The following SESN3 variants were observed in gnomAD, a reference collection of about 807,000 sequenced individuals.
SESN3 encodes sestrin-3.
A neutral mutation model predicts 55.3 loss-of-function variants in SESN3; 21 were observed. That is an observed-to-expected ratio of 0.38 (90% CI 0.27 to 0.55). SESN3 has a LOEUF of 0.55. Among genes scored for constraint, SESN3 ranks in the 20% least tolerant of loss-of-function variants. SESN3 has a pLI of 0.76. For synonymous variants in SESN3, 181 were observed against 203.1 expected (o/e 0.89, Z 0.93); for missense variants, 408 against 604.3 (o/e 0.68, Z 3.41).
chr11:95,177,249 T>C (rs551056393), intron 8 of SESN3, among the ~76,000 whole-genome samples: 56 of 152,322 alleles, frequency 3.7e-4, no homozygotes, highest in Non-Finnish European at 7.4e-4. Context: ...ATATTTAATT[T>C]CAGTGTTATG....
chr11:95,228,446 G>A (rs1007974385), intron 1 of SESN3, among the ~76,000 whole-genome samples: 1 of 152,080 alleles, frequency 6.6e-6, no homozygotes. Context: ...CTACATTACT[G>A]AACACTTTAT....
At chr11:95,222,337 A>G (rs1860872973) in intron 1 of SESN3, among the ~76,000 whole-genome samples, 1 of 152,226 alleles carries the variant, frequency 6.6e-6, no homozygotes, top group Non-Finnish European at 1.5e-5. Flanking sequence ...CTCGAAAGCA[A>G]AAACAAAGAA....
chr11:95,213,114 A>T (rs1292182217), intron 1 of SESN3, among the ~76,000 whole-genome samples: 1 of 151,696 alleles, frequency 6.6e-6, no homozygotes, highest in Non-Finnish European at 1.5e-5. Context: ...ATCTTTTTTT[A>T]AATGAAAACA....
rs563322416 is a variant in SESN3 at position 95,167,475 on chromosome 11, C to CCATAT, written c.*5779_*5780insATATG. Reference sequence around the variant, plus strand: ...TCAGATATTCATTCTGTTTCCCCCCCATATATATAATTTTTCATTCTGTAC... The same window carrying CCATAT: ...TCAGATATTCATTCTGTTTCCCCCCCCATATATATATATAATTTTTCATTCTGTAC... On this transcript the variant is annotated 3_prime_UTR_variant, in exon 10 of 10. Transcript: ENST00000536441. 2.8e-3 allele frequency: 418 copies of CCATAT among 150,938 alleles called. 7 individuals are homozygous for CCATAT. Among genetic ancestry groups the CCATAT allele is most frequent in the African/African-American group, 9.5e-3 (385 of 40,340 alleles). The allele number at this position is 150,938 out of a possible 1,614,324, so 9.3% of individuals were successfully genotyped here. A position where few individuals can be genotyped will look rare whatever the true frequency, so the allele number is the denominator to read the frequency against.
chr11:95,211,517 C>T (rs1489284599), intron 1 of SESN3, among the ~76,000 whole-genome samples: 1 of 152,186 alleles, frequency 6.6e-6, no homozygotes, highest in Non-Finnish European at 1.5e-5. Flanking sequence ...CCTATAATCC[C>T]AGCACTTTGG....
chr11:95,190,419 T>A (rs1032631706), intron 3 of SESN3, among the ~76,000 whole-genome samples: 1 of 151,942 alleles, frequency 6.6e-6, no homozygotes, highest in Admixed American at 6.6e-5. Flanking sequence ...CCTACTCAGA[T>A]GACATGGAAG....
At chr11:95,183,166 C>CT (rs962801263) in intron 6 of SESN3, among the ~76,000 whole-genome samples, 1 of 152,170 alleles carries the variant, frequency 6.6e-6, no homozygotes, top group African/African-American at 2.4e-5. Flanking sequence ...TGCTGAAACT[C>CT]TATCAGGTAC....
chr11:95,231,403 A>G (rs1004519048), upstream of SESN3: 1 of 354,814 alleles, frequency 2.8e-6, no homozygotes, highest in East Asian at 4.2e-5. Context: ...TTTATCTCCG[A>G]GGCTCGGAAC....
intron 8 of SESN3, among the ~76,000 whole-genome samples, chr11:95,177,353 A>T (rs1279024023): frequency 6.6e-6 from 1 of 152,180 alleles, no homozygotes; most frequent in Admixed American, 6.5e-5. Flanking sequence ...AAAAGACCAA[A>T]CTAACTAAAC....
At chr11:95,178,108 T>G (rs1357105725) in intron 7 of SESN3, among the ~76,000 whole-genome samples, 199 bp from the exon 8 acceptor site, 3 of 152,192 alleles carry the variant, frequency 2.0e-5, no homozygotes, top group Non-Finnish European at 4.4e-5. Flanking sequence ...TCATGGGGTA[T>G]GGGATTTGCC....
intron 1 of SESN3, among the ~76,000 whole-genome samples, chr11:95,206,441 C>T (rs1488187479): frequency 1.3e-5 from 2 of 151,230 alleles, no homozygotes; most frequent in African/African-American, 2.4e-5. Context: ...TCATAACATC[C>T]AAAGTTTCTC....
chr11:95,217,624 C>T (rs10831319), intron 1 of SESN3, among the ~76,000 whole-genome samples: 40,683 of 149,788 alleles, frequency 0.27, 5,920 homozygotes, highest in Admixed American at 0.32. Flanking sequence ...TGCACTCCAG[C>T]CTGGGCGACA....
chr11:95,187,782 TTTATC>T (rs1399343613), intron 4 of SESN3, among the ~76,000 whole-genome samples: 11 of 152,004 alleles, frequency 7.2e-5, no homozygotes, highest in Admixed American at 2.6e-4. Context: ...TAACTCACAC[TTTATC>T]TTGAGTTACA....
chr11:95,217,774 T>C (rs1860787829), intron 1 of SESN3, among the ~76,000 whole-genome samples: 1 of 152,074 alleles, frequency 6.6e-6, no homozygotes, highest in Non-Finnish European at 1.5e-5. Flanking sequence ...TATCATTAGA[T>C]CCCAACCATG....
In SESN3 at chr11:95,230,407, G is replaced by T. The variant is rs1861032892; in HGVS notation, c.78+376C>A. Reference sequence around the variant, plus strand: ...GACCCAGCTGCTCTGATTTCACACCGACCTCCATCAACAGCTAAACTGCAC... The same window carrying T: ...GACCCAGCTGCTCTGATTTCACACCTACCTCCATCAACAGCTAAACTGCAC... On this transcript the variant is annotated intron_variant, in intron 1 of 9. Coordinates refer to ENST00000536441, the MANE Select transcript of SESN3 (RefSeq NM_144665.4). This position sits in a 1 kb window ranked among gnomAD's most constrained non-coding sequence, Gnocchi z 4.6. 1 of 185,804 alleles carries T rather than the reference G, an allele frequency of 5.4e-6. No homozygotes were observed. The highest frequency in any genetic ancestry group is 1.0e-4 in the South Asian group (1 of 9,892). 11.5% of individuals were successfully genotyped at this position (185,804 alleles called of 1,614,324 possible).
intron 9 of SESN3, among the ~76,000 whole-genome samples, chr11:95,174,064 G>A (rs921377002): frequency 1.3e-5 from 2 of 152,086 alleles, no homozygotes; most frequent in African/African-American, 4.8e-5. Flanking sequence ...AAAATCTAGA[G>A]CAAACATATA....
At chr11:95,226,931 A>G (rs1860957671) in intron 1 of SESN3, among the ~76,000 whole-genome samples, 3 of 152,238 alleles carry the variant, frequency 2.0e-5, no homozygotes, top group Non-Finnish European at 4.4e-5. Context: ...TTTGAAAACC[A>G]TTGCATAAAG....
chr11:95,211,226 A>T (rs1453036017), intron 1 of SESN3, among the ~76,000 whole-genome samples: 1 of 152,162 alleles, frequency 6.6e-6, no homozygotes, highest in Non-Finnish European at 1.5e-5. Flanking sequence ...CTCGTTGTTC[A>T]TTCTGTTCCA....
At position 95,173,224 on chromosome 11, in the gene SESN3, C is replaced by T. The variant is rs1221806990; in HGVS notation, c.*31G>A. On this transcript the variant is annotated 3_prime_UTR_variant, in exon 10 of 10. Coordinates refer to ENST00000536441, the MANE Select transcript of SESN3 (RefSeq NM_144665.4). The stretch of plus-strand genomic sequence containing the variant: ...GTTTATCTTATGTGAAAGGTCTTTA[C>T]ACATGTATGACATTTTCCTTGGGTG... 7.4e-7 allele frequency: 1 copy of T among 1,346,066 alleles called. No individual in the cohort carries two copies. Among genetic ancestry groups the T allele is most frequent in the Non-Finnish European group, 1.1e-6 (1 of 946,756 alleles). The allele number at this position is 1,346,066 out of a possible 1,614,324, so 83.4% of individuals were successfully genotyped here.
Sources: allele counts gnomAD v4.1 joint callset (sites outside exome capture counted in the v4.1 genomes callset), GRCh38; gene constraint gnomAD v4.1.1; non-coding constraint Gnocchi (gnomAD v3.1); transcripts MANE v1.5; gene names NCBI Gene and HGNC (gene_info 2026-07-23, HGNC 2026-07-21).